The following DSCAM variants were observed in gnomAD, a reference collection of about 807,000 sequenced individuals.
DSCAM encodes the protein DS cell adhesion molecule.
In DSCAM, 47 loss-of-function variants were observed where a neutral mutation model predicts 217.7. The observed-to-expected ratio is 0.22, with a 90% CI of 0.17 to 0.28. DSCAM has a LOEUF of 0.28. Among genes scored for constraint, DSCAM ranks in the 10% least tolerant of loss-of-function variants. DSCAM has a pLI of 1.00. For synonymous variants in DSCAM, 1,056 were observed against 1,015.3 expected (o/e 1.04, Z -0.76); for missense variants, 2,080 against 2,618.3 (o/e 0.79, Z 4.49).
chr21:40,806,561 A>G (rs1170256539), intron 1 of DSCAM, among the ~76,000 whole-genome samples: 1 of 152,194 alleles, frequency 6.6e-6, no homozygotes, highest in African/African-American at 2.4e-5. Flanking sequence ...CATTTTGACA[A>G]TTATGAGGTC....
intron 3 of DSCAM, among the ~76,000 whole-genome samples, chr21:40,523,969 G>A (rs896572161): frequency 6.6e-5 from 10 of 152,264 alleles, no homozygotes; most frequent in South Asian, 2.1e-4. Context: ...CACCCTGAGA[G>A]GGGGACAAAG....
chr21:40,240,623 T>C (rs186837005), intron 11 of DSCAM, among the ~76,000 whole-genome samples: 1 of 152,248 alleles, frequency 6.6e-6, no homozygotes, highest in East Asian at 1.9e-4. Flanking sequence ...ATTCCCGTCC[T>C]TTCCTCTGCT....
chr21:40,793,252 G>A (rs2123471924), intron 1 of DSCAM, among the ~76,000 whole-genome samples: 1 of 152,256 alleles, frequency 6.6e-6, no homozygotes, highest in Admixed American at 6.5e-5. Context: ...CTGGCTGGAG[G>A]CCTGTGATGG....
At chr21:40,169,090 C>T (rs2090628266) in intron 15 of DSCAM, among the ~76,000 whole-genome samples, 1 of 151,954 alleles carries the variant, frequency 6.6e-6, no homozygotes, top group African/African-American at 2.4e-5. Context: ...TAATGAATGT[C>T]CTGGCAGAAA....
At chr21:40,552,998 C>G (rs2076642763) in intron 3 of DSCAM, among the ~76,000 whole-genome samples, 1 of 152,120 alleles carries the variant, frequency 6.6e-6, no homozygotes, top group Admixed American at 6.5e-5. Flanking sequence ...GATGCAAATC[C>G]AACCCGGAAA....
rs76520699 is a variant in DSCAM, at chr21:40,223,027, G to A, written c.2357-33789C>T. ...TCAATATTCTTTTACCCATGACCAC[G>A]CTCCCCTCCAGCATCCCTACCAACC... On this transcript the variant is annotated intron_variant, in intron 11 of 32. Coordinates refer to ENST00000400454, the MANE Select transcript of DSCAM (RefSeq NM_001389.5). 3.7e-4 allele frequency among the ~76,000 whole-genome samples: 56 copies of A among 152,234 alleles called. 1 individual carries two copies. In the East Asian group the frequency reaches 0.01, roughly 28 times the overall value.
intron 20 of DSCAM, among the ~76,000 whole-genome samples, chr21:40,115,428 G>T (rs993957956): frequency 6.6e-6 from 1 of 152,100 alleles, no homozygotes; most frequent in Admixed American, 6.6e-5. Context: ...GTGCGGGGAC[G>T]GGGGAGGAAT....
chr21:40,501,363 C>T (rs554226285), intron 3 of DSCAM, among the ~76,000 whole-genome samples: 1 of 152,232 alleles, frequency 6.6e-6, no homozygotes, highest in East Asian at 1.9e-4. Flanking sequence ...TGATGCGTTT[C>T]TACCCAGGTG....
At chr21:40,453,091 T>TGA (rs1014017888) in intron 3 of DSCAM, among the ~76,000 whole-genome samples, 17 of 128,884 alleles carry the variant, frequency 1.3e-4, no homozygotes, top group Non-Finnish European at 1.2e-4. Context: ...TGTGTGTGTG[T>TGA]GAGATATATG....
At chr21:40,636,815 G>A (rs2410259) in intron 3 of DSCAM, among the ~76,000 whole-genome samples, 19,321 of 147,704 alleles carry the variant, frequency 0.13, 1,634 homozygotes, top group Admixed American at 0.23. Context: ...ATAGCTTGAG[G>A]ATATGCTCCC....
At chr21:40,444,350 G>T (rs1041249991) in intron 3 of DSCAM, among the ~76,000 whole-genome samples, 9 of 152,170 alleles carry the variant, frequency 5.9e-5, no homozygotes, top group African/African-American at 1.2e-4. Context: ...GTGTGGCTTG[G>T]CTTGTCTCTG....
chr21:40,076,990 A>C (rs1395293695), intron 26 of DSCAM, among the ~76,000 whole-genome samples: 1 of 152,184 alleles, frequency 6.6e-6, no homozygotes, highest in Non-Finnish European at 1.5e-5. Flanking sequence ...TTACAGGGAG[A>C]GGCCAGCTTG....
chr21:40,172,807 A>T (rs2090673827), intron 15 of DSCAM, among the ~76,000 whole-genome samples: 1 of 152,166 alleles, frequency 6.6e-6, no homozygotes, highest in African/African-American at 2.4e-5. Context: ...AGAAAAAAAT[A>T]TATAAATTTT....
At chr21:40,615,390 G>C (rs1252249758) in intron 3 of DSCAM, 1 of 150,974 alleles carries the variant, frequency 6.6e-6, no homozygotes, top group Non-Finnish European at 1.5e-5. Flanking sequence ...ATTTTTATCA[G>C]CTTTATTTTT....
intron 3 of DSCAM, chr21:40,629,666 A>T (rs2089660973): frequency 6.6e-6 from 1 of 152,200 alleles, no homozygotes; most frequent in Admixed American, 6.5e-5. Context: ...CAAATGGAGT[A>T]AGCAAGAAAT....
chr21:40,798,406 CAAAATT>C (rs2091710214), intron 1 of DSCAM, among the ~76,000 whole-genome samples: 1 of 151,960 alleles, frequency 6.6e-6, no homozygotes. Flanking sequence ...TCACCATAAA[CAAAATT>C]AAAAGGCAAA....
chr21:40,503,116 C>T (rs555499504), intron 3 of DSCAM, among the ~76,000 whole-genome samples: 214 of 152,242 alleles, frequency 1.4e-3, no homozygotes, highest in African/African-American at 4.9e-3. Flanking sequence ...CCCAACGTTA[C>T]GCATTAAGAA....
intron 15 of DSCAM, among the ~76,000 whole-genome samples, chr21:40,177,904 G>T (rs2090750761): frequency 6.6e-6 from 1 of 152,160 alleles, no homozygotes; most frequent in African/African-American, 2.4e-5. Context: ...TAGCCATCTG[G>T]GTGTGGCAAT....
rs183058252 is a variant in DSCAM, at chr21:40,694,695, C to T, written c.362-1739G>A. On this transcript the variant is annotated intron_variant, in intron 2 of 32. Transcript: ENST00000400454. ...GAGGTGAAGGTCCAGGCAGCAACTC[C>T]ACACCTCCTGCAGGAGGTCCACTAG... is the stretch of plus-strand genomic sequence containing the variant. Among the ~76,000 whole-genome samples the T allele has an allele frequency of 3.3e-5, 5 of 151,928 alleles. No individual in the cohort carries two copies. The East Asian group carries it at 9.7e-4, about 30-fold the overall frequency.
Sources: allele counts gnomAD v4.1 joint callset (sites outside exome capture counted in the v4.1 genomes callset), GRCh38; gene constraint gnomAD v4.1.1; transcripts MANE v1.5; gene names NCBI Gene and HGNC (gene_info 2026-07-23, HGNC 2026-07-21).